Variants in CHST8 observed in about 807,000 individuals in gnomAD.
CHST8 encodes GALNAC-4-ST1.
CHST8 carries 10 observed loss-of-function variants against 15.0 expected under a neutral mutation model. The observed-to-expected ratio is 0.67, with a 90% CI of 0.41 to 1.13. CHST8 has a LOEUF of 1.13. Among genes scored for constraint, CHST8 ranks in the 50% most tolerant of loss-of-function variants. CHST8 has a pLI of 0.00. For missense variants in CHST8, 634 were observed against 608.2 expected, an observed-to-expected ratio of 1.04 and a Z score of -0.45; for synonymous variants, 259 against 256.6, an observed-to-expected ratio of 1.01 and a Z score of -0.09.
chr19:33,715,187 G>C (rs284326), intron 3 of CHST8, among the ~76,000 whole-genome samples: 2 of 151,998 alleles, frequency 1.3e-5, no homozygotes, highest in Non-Finnish European at 2.9e-5. Flanking sequence ...TCCCCTTCCC[G>C]ACTCGCCCAG....
At chr19:33,746,120 T>C (rs1236113058) in intron 3 of CHST8, among the ~76,000 whole-genome samples, 1 of 152,214 alleles carries the variant, frequency 6.6e-6, no homozygotes, top group East Asian at 1.9e-4. Context: ...CCATTTGGTG[T>C]TACTGAGATA....
intron 1 of CHST8, among the ~76,000 whole-genome samples, chr19:33,660,609 A>G (rs563815016): frequency 1.3e-5 from 2 of 152,246 alleles, no homozygotes; most frequent in South Asian, 4.1e-4. Flanking sequence ...ACAGTTTACA[A>G]ATGCCACGGC....
chr19:33,622,995 C>T (rs1439433857), intron 1 of CHST8, among the ~76,000 whole-genome samples: 1 of 152,190 alleles, frequency 6.6e-6, no homozygotes, highest in African/African-American at 2.4e-5. Context: ...CTGACGGCGG[C>T]TGCAACTCCG....
chr19:33,722,108 GATGA>G (rs1254181404), intron 3 of CHST8, among the ~76,000 whole-genome samples: 5 of 88,630 alleles, frequency 5.6e-5, no homozygotes, highest in African/African-American at 3.8e-4. Context: ...TGGATGGATG[GATGA>G]AGGGATGGAT....
chr19:33,667,823 G>A lies in CHST8; in HGVS notation c.-107G>A, dbSNP rs1972682316. On this transcript the variant is annotated 5_prime_UTR_variant, in exon 2 of 5. An upstream start codon of the reference 5' UTR is lost. Transcript: ENST00000650847. ...ATTTGACAAGTACGCAAGAAATAAT[G>A]CAAGACTCGTTTATGTTCAGGTAAT... 1 of 152,074 alleles carries A rather than the reference G, an allele frequency of 6.6e-6. No homozygotes were observed. Among genetic ancestry groups the A allele is most frequent in the African/African-American group, 2.4e-5 (1 of 41,410 alleles). 9.4% of individuals were successfully genotyped at this position (152,074 alleles called of 1,614,324 possible).
chr19:33,719,877 G>T (rs284669), intron 3 of CHST8, among the ~76,000 whole-genome samples: 1 of 151,948 alleles, frequency 6.6e-6, no homozygotes, highest in Non-Finnish European at 1.5e-5. Flanking sequence ...AAGCCAGCCC[G>T]TCCGTGACCT....
chr19:33,633,480 C>T lies in CHST8; in HGVS notation c.-164+11184C>T, dbSNP rs924693418. 2.0e-5 allele frequency among the ~76,000 whole-genome samples: 3 copies of T among 152,166 alleles called. 1 individual carries two copies. Among genetic ancestry groups the T allele is most frequent in the African/African-American group, 4.8e-5 (2 of 41,434 alleles). On this transcript the variant is annotated intron_variant, in intron 1 of 4. Transcript: ENST00000650847. ...AATCACAGCTCACTGCAGCCTTGAACTCCTGGGCTCATGCCAGCCTCCCGC... is the reference window on the plus strand; with the variant it reads ...AATCACAGCTCACTGCAGCCTTGAATTCCTGGGCTCATGCCAGCCTCCCGC...
intron 3 of CHST8, among the ~76,000 whole-genome samples, chr19:33,722,182 T>G (rs917143200): frequency 6.8e-6 from 1 of 146,022 alleles, no homozygotes; most frequent in African/African-American, 2.6e-5. Flanking sequence ...GGTGGGTGGG[T>G]GGGCAGATGG....
At chr19:33,763,610 A>G (rs961359024) in intron 3 of CHST8, among the ~76,000 whole-genome samples, 5 of 152,248 alleles carry the variant, frequency 3.3e-5, no homozygotes, top group Non-Finnish European at 7.3e-5. Flanking sequence ...GAATGTAAGA[A>G]GTTGGATTTT....
In CHST8 at chr19:33,772,722, G is replaced by A. The variant is rs1323223467; in HGVS notation, c.934G>A (p.Val312Ile). ...TGSGVRFPEF[V>I]QYLLDVHRPV... is the part of the protein sequence containing the mutation. ...CTCTGGGGTGCGTTTTCCCGAGTTC[G>A]TCCAGTACCTGCTGGACGTGCACCG... is the stretch of plus-strand genomic sequence containing the variant. Residue 312 changes from valine (V) to isoleucine (I), a missense_variant, in exon 5 of 5, where the codon GTC becomes ATC. Transcript: ENST00000650847. 5 of 1,613,390 alleles carry A rather than the reference G, an allele frequency of 3.1e-6. No individual in the cohort carries two copies. The highest frequency in any genetic ancestry group is 2.5e-6 in the Non-Finnish European group (3 of 1,179,970).
At chr19:33,749,095 G>A (rs284684) in intron 3 of CHST8, among the ~76,000 whole-genome samples, 25 of 151,974 alleles carry the variant, frequency 1.6e-4, no homozygotes, top group Non-Finnish European at 3.1e-4. Flanking sequence ...GGCAGAAGGG[G>A]TGTGCATGCC....
chr19:33,708,102 A>T (rs1973480663), intron 3 of CHST8, among the ~76,000 whole-genome samples: 1 of 151,950 alleles, frequency 6.6e-6, no homozygotes, highest in Non-Finnish European at 1.5e-5. Flanking sequence ...AAATTGGTTT[A>T]TTTATCTTTT....
chr19:33,676,288 G>A (rs11878452), intron 2 of CHST8, among the ~76,000 whole-genome samples: 5,690 of 152,246 alleles, frequency 0.037, 369 homozygotes, highest in African/African-American at 0.13. Flanking sequence ...AATAATTTTG[G>A]GTCCAGTGCA....
At position 33,662,511 on chromosome 19, in the gene CHST8, C is replaced by G. The variant is rs143034851; in HGVS notation, c.-163-5256C>G. Among the ~76,000 whole-genome samples, 120 of 152,284 alleles carry G rather than the reference C, an allele frequency of 7.9e-4. 2 individuals carry two copies. The East Asian group carries it at 0.022, about 28-fold the overall frequency. ...CATGGGGGCCTTCCATGGCACAGAC[C>G]AGGGCAATGCTGTGGTCCCTGGCTC... On this transcript the variant is annotated intron_variant, in intron 1 of 4. Coordinates refer to ENST00000650847, the MANE Select transcript of CHST8 (RefSeq NM_001127895.2).
At chr19:33,758,601 C>T (rs1974652809) in intron 3 of CHST8, among the ~76,000 whole-genome samples, 1 of 152,226 alleles carries the variant, frequency 6.6e-6, no homozygotes, top group Non-Finnish European at 1.5e-5. Context: ...AACAATGCAT[C>T]CCAAGGCCGG....
At chr19:33,734,816 G>A (rs981664970) in intron 3 of CHST8, among the ~76,000 whole-genome samples, 18 of 152,152 alleles carry the variant, frequency 1.2e-4, no homozygotes, top group African/African-American at 4.3e-4. Context: ...CCTGACATGG[G>A]GACAGGGAAA....
At chr19:33,624,874 C>T (rs1972031541) in intron 1 of CHST8, among the ~76,000 whole-genome samples, 1 of 152,130 alleles carries the variant, frequency 6.6e-6, no homozygotes, top group African/African-American at 2.4e-5. Context: ...AGGTGTGGCC[C>T]AAGCTGAGGT....
At chr19:33,698,018 C>T (rs1243101174) in intron 3 of CHST8, among the ~76,000 whole-genome samples, 1 of 152,142 alleles carries the variant, frequency 6.6e-6, no homozygotes, top group Non-Finnish European at 1.5e-5. Context: ...TGGCTCATGC[C>T]TGTAATTCCA....
chr19:33,641,908 A>T (rs1972289329), intron 1 of CHST8, among the ~76,000 whole-genome samples: 1 of 152,210 alleles, frequency 6.6e-6, no homozygotes, highest in African/African-American at 2.4e-5. Flanking sequence ...CTGGAGACTA[A>T]TTCAGAATTT....
Sources: allele counts gnomAD v4.1 joint callset (sites outside exome capture counted in the v4.1 genomes callset), GRCh38; gene constraint gnomAD v4.1.1; transcripts MANE v1.5; gene names NCBI Gene and HGNC (gene_info 2026-07-23, HGNC 2026-07-21).